The following NSMCE1 variants were observed in gnomAD, a reference collection of about 807,000 sequenced individuals.
NSMCE1 encodes NSE1 component of SMC5/6 complex.
Under a neutral mutation model 29.6 loss-of-function variants are expected in NSMCE1, and 18 were observed. The observed-to-expected ratio is 0.61, with a 90% CI of 0.42 to 0.90. NSMCE1 has a LOEUF of 0.90. Among genes scored for constraint, NSMCE1 ranks in the 40% least tolerant of loss-of-function variants. The pLI is 0.00. For synonymous variants in NSMCE1, 124 were observed against 133.4 expected (o/e 0.93, Z 0.49); for missense variants, 314 against 343.6 (o/e 0.91, Z 0.68).
rs199659956 is a variant in NSMCE1, at chr16:27,267,200, TTTA to T, written c.-12+1503_-12+1505del. ...TAAGAAATACATCTATACGTTTAAA[TTTA>T]TTATTAAATTAATTAAATGCATTAA... On this transcript the variant is annotated intron_variant, in intron 1 of 7. Transcript: ENST00000361439. Among the ~76,000 whole-genome samples, 1,452 of 152,238 alleles carry T rather than the reference TTTA, an allele frequency of 9.5e-3. 20 individuals are homozygous for T. The highest frequency in any genetic ancestry group is 0.033 in the African/African-American group (1,381 of 41,552).
rs2083671921 is a variant in NSMCE1, at chr16:27,225,057, G to A, written c.*100C>T. 4.3e-6 allele frequency: 3 copies of A among 699,026 alleles called. No homozygotes were observed. Among genetic ancestry groups the A allele is most frequent in the Non-Finnish European group, 7.7e-6 (3 of 388,212 alleles). 43.3% of individuals were successfully genotyped at this position (699,026 alleles called of 1,614,324 possible). Reference sequence around the variant, plus strand: ...GACGGTGAACATTAAGACGAAAGAGGTGACTCGCGTGGAACCTGAAACACG... The same window carrying A: ...GACGGTGAACATTAAGACGAAAGAGATGACTCGCGTGGAACCTGAAACACG... On this transcript the variant is annotated 3_prime_UTR_variant, in exon 8 of 8. Coordinates refer to ENST00000361439, the MANE Select transcript of NSMCE1 (RefSeq NM_145080.4).
chr16:27,231,092 C>T (rs552317260), intron 5 of NSMCE1, among the ~76,000 whole-genome samples: 57 of 152,350 alleles, frequency 3.7e-4, no homozygotes, highest in Non-Finnish European at 5.4e-4. Flanking sequence ...TTGGGGCACT[C>T]GGCTCTAGGG....
intron 2 of NSMCE1, among the ~76,000 whole-genome samples, chr16:27,253,866 C>T (rs748668619): frequency 6.6e-6 from 1 of 152,134 alleles, no homozygotes; most frequent in East Asian, 1.9e-4. Flanking sequence ...AAGGCTCGAC[C>T]CAAGGCCTGC....
chr16:27,245,301 T>C (rs2083943773), intron 2 of NSMCE1, among the ~76,000 whole-genome samples: 1 of 152,222 alleles, frequency 6.6e-6, no homozygotes, highest in East Asian at 1.9e-4. Context: ...CTTTGAAAAA[T>C]GGCTTCCCTG....
chr16:27,250,723 G>T (rs1440452650), intron 2 of NSMCE1, among the ~76,000 whole-genome samples: 3 of 151,730 alleles, frequency 2.0e-5, no homozygotes, highest in South Asian at 2.1e-4. Context: ...AACCCAGGAG[G>T]CGGAGGTTGT....
At chr16:27,229,185 G>A (rs2083737940) in intron 5 of NSMCE1, among the ~76,000 whole-genome samples, 1 of 152,242 alleles carries the variant, frequency 6.6e-6, no homozygotes, top group South Asian at 2.1e-4. Context: ...TGGCCACAGG[G>A]CCACTGCCGG....
rs1567274081 is a variant in NSMCE1, at chr16:27,234,169, T to TG, written c.336+18dup. ...CATAAGAAGCCCACCCAATGGGCAA[T>TG]GGGGATTACTCTACTTACAGCCTTT... On this transcript the variant is annotated intron_variant, in intron 4 of 7. Transcript: ENST00000361439. 1 of 1,550,398 alleles carries TG rather than the reference T, an allele frequency of 6.4e-7. No individual in the cohort carries two copies. The highest frequency in any genetic ancestry group is 1.4e-5 in the African/African-American group (1 of 73,868).
rs551970365 is a variant in NSMCE1 at position 27,236,895 on chromosome 16, T to C, written c.137-1596A>G. Among the ~76,000 whole-genome samples, 44 of 152,272 alleles carry C rather than the reference T, an allele frequency of 2.9e-4. No individual in the cohort carries two copies. In the South Asian group the frequency reaches 5.8e-3, roughly 20 times the overall value. ...ACTCGTGCTGTATGTCTGTGTTTGA[T>C]TTCTTATTAGACAGAGGCATTTCTA... On this transcript the variant is annotated intron_variant, in intron 2 of 7. Coordinates refer to ENST00000361439, the MANE Select transcript of NSMCE1 (RefSeq NM_145080.4).
chr16:27,229,089 CG>C (rs894236742), intron 5 of NSMCE1, among the ~76,000 whole-genome samples: 2 of 152,218 alleles, frequency 1.3e-5, no homozygotes, highest in African/African-American at 2.4e-5. Flanking sequence ...CCCTAATACG[CG>C]TATCTCCCGG....
rs768952475 is a variant in NSMCE1, at chr16:27,225,190, C to T, written c.768G>A (p.Ser256=). Residue 256 remains serine, a synonymous_variant, in exon 8 of 8, where the codon TCG becomes TCA. Coordinates refer to ENST00000361439, the MANE Select transcript of NSMCE1 (RefSeq NM_145080.4). The stretch of plus-strand genomic sequence containing the variant: ...GCCTGGACCGCAGGGACTTTTTGTT[C>T]GATTTCAAGACACCAGACTCCCTCT... ...EKERESGVLK[S]NKKSLRSRQH 23 of 1,606,958 alleles carry T rather than the reference C, an allele frequency of 1.4e-5. No individual in the cohort carries two copies. The highest frequency in any genetic ancestry group is 6.7e-5 in the East Asian group (3 of 44,850).
At chr16:27,260,702 C>T (rs1314278805) in intron 1 of NSMCE1, among the ~76,000 whole-genome samples, 2 of 151,682 alleles carry the variant, frequency 1.3e-5, no homozygotes, top group South Asian at 4.2e-4. Context: ...CCACAAAAAA[C>T]ACAAAAATTA....
At chr16:27,253,737 C>G (rs575448796) in intron 2 of NSMCE1, among the ~76,000 whole-genome samples, 1 of 152,176 alleles carries the variant, frequency 6.6e-6, no homozygotes, top group African/African-American at 2.4e-5. Context: ...AGCACAGAGG[C>G]CTGGCTCACT....
chr16:27,251,190 A>AT (rs1491248903), intron 2 of NSMCE1, among the ~76,000 whole-genome samples: 1,832 of 41,920 alleles, frequency 0.044, 51 homozygotes, highest in African/African-American at 0.23. Flanking sequence ...ATATATATAT[A>AT]AATATATATA....
chr16:27,242,349 G>A (rs965573552), intron 2 of NSMCE1, among the ~76,000 whole-genome samples: 4 of 152,056 alleles, frequency 2.6e-5, no homozygotes, highest in Non-Finnish European at 5.9e-5. Context: ...TCTGAGATCT[G>A]TACACAGAGT....
At chr16:27,257,655 A>G (rs2084102876) in intron 1 of NSMCE1, 74 bp from the exon 2 acceptor site, 32 of 1,200,318 alleles carry the variant, frequency 2.7e-5, no homozygotes, top group Non-Finnish European at 3.2e-5. Flanking sequence ...GTACTAATTT[A>G]CATTAACAAA....
At chr16:27,231,191 T>A (rs939440451) in intron 5 of NSMCE1, among the ~76,000 whole-genome samples, 1 of 152,224 alleles carries the variant, frequency 6.6e-6, no homozygotes, top group Non-Finnish European at 1.5e-5. Flanking sequence ...TCCTGTAACA[T>A]TTTTTGTAAG....
chr16:27,236,403 T>A (rs2083826160), intron 2 of NSMCE1, among the ~76,000 whole-genome samples: 1 of 151,588 alleles, frequency 6.6e-6, no homozygotes, highest in Non-Finnish European at 1.5e-5. Flanking sequence ...TTCAAGCAGT[T>A]CTCCTGCCTT....
chr16:27,254,712 G>A (rs60267018), intron 2 of NSMCE1, among the ~76,000 whole-genome samples: 4,013 of 151,680 alleles, frequency 0.026, 172 homozygotes, highest in African/African-American at 0.088. Flanking sequence ...CAGCTTCCTG[G>A]GTAGCTAGGA....
At chr16:27,249,619 C>G (rs2084000532) in intron 2 of NSMCE1, among the ~76,000 whole-genome samples, 1 of 152,076 alleles carries the variant, frequency 6.6e-6, no homozygotes, top group Non-Finnish European at 1.5e-5. Flanking sequence ...TATTTTTTTC[C>G]CTTCATCTGT....
Sources: gnomAD v4.1 joint callset for allele counts (sites outside exome capture counted in the v4.1 genomes callset) on GRCh38, gnomAD v4.1.1 for gene constraint, MANE v1.5 for transcripts, NCBI Gene and HGNC (gene_info 2026-07-23, HGNC 2026-07-21) for gene names.